Variants in NACC2 observed in about 807,000 individuals in gnomAD.
NACC2 encodes the protein nucleus accumbens-associated protein 2.
Under a neutral mutation model 25.1 loss-of-function variants are expected in NACC2, and 8 were observed. The observed-to-expected ratio is 0.32, with a 90% CI of 0.19 to 0.57. The LOEUF is 0.57. Among genes scored for constraint, NACC2 ranks in the 20% least tolerant of loss-of-function variants. The pLI, the probability that NACC2 is intolerant of heterozygous loss-of-function variation, is 0.89. For missense variants in NACC2, 644 were observed against 650.2 expected (o/e 0.99, Z 0.10); for synonymous variants, 435 against 294.7 (o/e 1.48, Z -4.88).
At chr9:136,073,279 A>G (rs1830220274) in intron 1 of NACC2, among the ~76,000 whole-genome samples, 1 of 152,022 alleles carries the variant, frequency 6.6e-6, no homozygotes, top group African/African-American at 2.4e-5. Context: ...AATAAAAATA[A>G]ACTAGCTGGG....
chr9:136,025,174 G>A (rs997752510), intron 2 of NACC2, among the ~76,000 whole-genome samples: 1 of 152,224 alleles, frequency 6.6e-6, no homozygotes, highest in African/African-American at 2.4e-5. Flanking sequence ...ACAGGCTACG[G>A]TGTGAGGCAA....
At chr9:136,040,010 G>A (rs952327918) in intron 2 of NACC2, among the ~76,000 whole-genome samples, 1 of 152,142 alleles carries the variant, frequency 6.6e-6, no homozygotes, top group African/African-American at 2.4e-5. Flanking sequence ...AATCACTAAA[G>A]GTAGCAAGGT....
intron 2 of NACC2, among the ~76,000 whole-genome samples, chr9:136,033,510 C>T (rs61508838): frequency 0.025 from 3,704 of 151,000 alleles, 147 homozygotes; most frequent in African/African-American, 0.08. Context: ...ATTAGCCAGG[C>T]GTGGTGGCGG....
At chr9:136,089,228 G>A (rs975256655) in intron 1 of NACC2, among the ~76,000 whole-genome samples, 2 of 152,022 alleles carry the variant, frequency 1.3e-5, no homozygotes, top group South Asian at 4.1e-4. Flanking sequence ...CCTCCCAGCT[G>A]GGGACCCCAC....
rs752287451 is a variant in NACC2, at chr9:136,013,830, C to T, written c.1157+34G>A. On this transcript the variant is annotated intron_variant, in intron 4 of 5. Transcript: ENST00000277554. The surrounding 1 kb of genome is among the most constrained non-coding windows in gnomAD (Gnocchi z 6.6). ...AAGGAGCCAGAACCCTCCGCAGCTC[C>T]ATTGTGCCCTCCAGCACTCCTGCCC... 13 of 1,577,434 alleles carry T rather than the reference C, an allele frequency of 8.2e-6. 1 individual carries two copies. In the South Asian group the frequency reaches 1.4e-4, roughly 18 times the overall value.
At chr9:136,068,861 T>C (rs1434106068) in intron 1 of NACC2, among the ~76,000 whole-genome samples, 1 of 150,498 alleles carries the variant, frequency 6.6e-6, no homozygotes, top group Non-Finnish European at 1.5e-5. Flanking sequence ...ACATCAATAA[T>C]TCCATTAAAT....
intron 1 of NACC2, among the ~76,000 whole-genome samples, chr9:136,094,503 G>C (rs1236357475): frequency 2.0e-5 from 3 of 151,962 alleles, no homozygotes; most frequent in Admixed American, 6.5e-5. Flanking sequence ...GGGCTCCGCT[G>C]AGTTTCTTAG....
Position 136,035,296 on chromosome 9 carries a change from A to G in NACC2, c.886+14340T>C, listed in dbSNP as rs568476894. ...CCAAACCATCAAAGGAACATCACCA[A>G]TATTGAGCCAAAGTGGTGTCACGTG... On this transcript the variant is annotated intron_variant, in intron 2 of 5. Coordinates refer to ENST00000277554, the MANE Select transcript of NACC2 (RefSeq NM_144653.5). Among the ~76,000 whole-genome samples, 6 of 152,210 alleles carry G rather than the reference A, an allele frequency of 3.9e-5. No individual in the cohort carries two copies. The East Asian group carries it at 1.2e-3, about 29-fold the overall frequency.
At chr9:136,064,191 A>AAG (rs1554741308) in intron 1 of NACC2, among the ~76,000 whole-genome samples, 2 of 151,974 alleles carry the variant, frequency 1.3e-5, no homozygotes, top group Non-Finnish European at 2.9e-5. Flanking sequence ...CAGGAGGCTG[A>AAG]GGGGGGAGAA....
intron 1 of NACC2, among the ~76,000 whole-genome samples, chr9:136,093,208 C>T (rs1051052166): frequency 2.6e-5 from 4 of 152,196 alleles, no homozygotes; most frequent in Admixed American, 6.5e-5. Flanking sequence ...AGCAGGACTC[C>T]GGAGGCAGAG....
At chr9:136,089,738 C>T (rs1367455436) in intron 1 of NACC2, among the ~76,000 whole-genome samples, 1 of 151,766 alleles carries the variant, frequency 6.6e-6, no homozygotes, top group Non-Finnish European at 1.5e-5. Context: ...TTAGGAGCCA[C>T]GGCCGACCAC....
At chr9:136,024,561 A>G (rs1015603202) in intron 2 of NACC2, among the ~76,000 whole-genome samples, 769 of 136,472 alleles carry the variant, frequency 5.6e-3, no homozygotes, top group Middle Eastern at 0.024. Context: ...CAGTGTGTGT[A>G]AGGACAGAGT....
chr9:136,011,994 T>G lies in NACC2; in HGVS notation c.1286A>C (p.Lys429Thr), dbSNP rs760782903. The G allele has an allele frequency of 6.3e-7, 1 of 1,599,272 alleles. No homozygotes were observed. The highest frequency in any genetic ancestry group is 8.5e-7 in the Non-Finnish European group (1 of 1,173,704). ...LYCQNFAPSF[K>T]ESEMNVIAAD... is the part of the protein sequence containing the mutation. ...GGCGATCACGTTCATCTCGCTCTCC[T>G]TGAAGCTGGGGGCGAAGTTCTGACA... is the stretch of plus-strand genomic sequence containing the variant. The change falls in exon 6 of 6, where the codon AAG becomes ACG. Residue 429 changes from lysine (K) to threonine (T), a missense_variant. Transcript: ENST00000277554.
intron 1 of NACC2, among the ~76,000 whole-genome samples, chr9:136,074,420 T>C (rs1414424838): frequency 7.2e-6 from 1 of 138,192 alleles, no homozygotes. Flanking sequence ...GCCACTGCAC[T>C]CCAGCCCGGG....
chr9:136,029,770 C>A (rs1483670697), intron 2 of NACC2, among the ~76,000 whole-genome samples: 1 of 152,232 alleles, frequency 6.6e-6, no homozygotes, highest in Non-Finnish European at 1.5e-5. Flanking sequence ...GAGCTGCCCA[C>A]CCCACTGCAG....
chr9:136,042,566 G>C (rs1012612991), intron 2 of NACC2, among the ~76,000 whole-genome samples: 19 of 152,078 alleles, frequency 1.2e-4, no homozygotes, highest in Admixed American at 5.9e-4. Context: ...CTGCAAAAAC[G>C]AGCCCAACAT....
chr9:136,072,627 G>A (rs924617267), intron 1 of NACC2, among the ~76,000 whole-genome samples: 17 of 152,132 alleles, frequency 1.1e-4, no homozygotes, highest in East Asian at 1.9e-4. Context: ...CGAGGCGGGC[G>A]GATCACCTGA....
chr9:136,047,054 G>A (rs1185973954), intron 2 of NACC2, among the ~76,000 whole-genome samples: 1 of 152,140 alleles, frequency 6.6e-6, no homozygotes, highest in Non-Finnish European at 1.5e-5. Flanking sequence ...TAGGGAGACT[G>A]AGGCCAGGGA....
At chr9:136,094,690 G>A (rs189479610) in intron 1 of NACC2, among the ~76,000 whole-genome samples, 39 of 152,100 alleles carry the variant, frequency 2.6e-4, no homozygotes, top group Admixed American at 2.5e-3. Context: ...GGAGGGCGAG[G>A]CGCGGGCCCG....
Sources: allele counts gnomAD v4.1 joint callset (sites outside exome capture counted in the v4.1 genomes callset), GRCh38; gene constraint gnomAD v4.1.1; non-coding constraint Gnocchi (gnomAD v3.1); transcripts MANE v1.5; gene names NCBI Gene and HGNC (gene_info 2026-07-23, HGNC 2026-07-21).